Variants in PPP3CA observed in about 807,000 individuals in gnomAD.
PPP3CA encodes the protein protein phosphatase 3 catalytic subunit alpha.
Under a neutral mutation model 66.5 loss-of-function variants are expected in PPP3CA, and 14 were observed. The ratio of observed to expected loss-of-function variants is 0.21; its 90% CI spans 0.14 to 0.33. The LOEUF (loss-of-function observed/expected upper bound fraction) is 0.33. Ranked by LOEUF, PPP3CA falls within the 10% of genes least tolerant of loss-of-function variation. The pLI, the probability that PPP3CA is intolerant of heterozygous loss-of-function variation, is 1.00. For synonymous variants in PPP3CA, 232 were observed against 226.2 expected (o/e 1.03, Z -0.23); for missense variants, 317 against 639.5 (o/e 0.50, Z 5.44).
chr4:101,058,629 T>C (rs544686296), intron 10 of PPP3CA, among the ~76,000 whole-genome samples: 3 of 152,134 alleles, frequency 2.0e-5, no homozygotes, highest in African/African-American at 4.8e-5. Flanking sequence ...TAAAAAGCAA[T>C]TGGTGGTGAG....
At chr4:101,304,439 A>G (rs187203275) in intron 1 of PPP3CA, among the ~76,000 whole-genome samples, 2 of 152,232 alleles carry the variant, frequency 1.3e-5, no homozygotes, top group East Asian at 1.9e-4. Context: ...AGAGACCTAC[A>G]GTTGGTAGAT....
At chr4:101,321,260 A>G (rs571269972) in intron 1 of PPP3CA, among the ~76,000 whole-genome samples, 1 of 152,366 alleles carries the variant, frequency 6.6e-6, no homozygotes, top group African/African-American at 2.4e-5. Flanking sequence ...TATATTTTAT[A>G]TAAATTAACC....
intron 2 of PPP3CA, among the ~76,000 whole-genome samples, chr4:101,178,691 C>G (rs913790311): frequency 2.0e-5 from 3 of 152,078 alleles, no homozygotes; most frequent in Non-Finnish European, 4.4e-5. Flanking sequence ...AAGGCCATGT[C>G]TATTCCCATC....
At chr4:101,192,928 CA>C (rs1724655611) in intron 2 of PPP3CA, among the ~76,000 whole-genome samples, 1 of 152,182 alleles carries the variant, frequency 6.6e-6, no homozygotes, top group Non-Finnish European at 1.5e-5. Context: ...GGTAGGACCC[CA>C]GCTATTTAAT....
intron 2 of PPP3CA, among the ~76,000 whole-genome samples, chr4:101,124,797 A>G (rs200660742): frequency 1.5e-4 from 15 of 101,360 alleles, no homozygotes; most frequent in African/African-American, 6.6e-4. Flanking sequence ...GAAAGAAAGA[A>G]AGAGAAAACT....
chr4:101,049,441 C>A (rs893978458), intron 10 of PPP3CA, among the ~76,000 whole-genome samples: 38 of 151,952 alleles, frequency 2.5e-4, no homozygotes, highest in African/African-American at 8.7e-4. Context: ...GACAAAAACA[C>A]ATCAATTTTA....
chr4:101,162,407 G>C (rs1723545114), intron 2 of PPP3CA, among the ~76,000 whole-genome samples: 1 of 151,560 alleles, frequency 6.6e-6, no homozygotes, highest in Admixed American at 6.6e-5. Context: ...GGCGGGTGCT[G>C]GTAATCCCAG....
At chr4:101,323,461 G>A (rs1203267824) in intron 1 of PPP3CA, among the ~76,000 whole-genome samples, 1 of 152,122 alleles carries the variant, frequency 6.6e-6, no homozygotes. Context: ...AGTCAAGGAT[G>A]GACTGATTAA....
chr4:101,033,859 TA>T (rs1159340608), intron 11 of PPP3CA, among the ~76,000 whole-genome samples: 1 of 151,548 alleles, frequency 6.6e-6, no homozygotes, highest in East Asian at 1.9e-4. Flanking sequence ...TTCATATAAA[TA>T]AAATAATACA....
At chr4:101,224,198 C>A (rs1017838714) in intron 1 of PPP3CA, among the ~76,000 whole-genome samples, 2 of 151,728 alleles carry the variant, frequency 1.3e-5, no homozygotes, top group Non-Finnish European at 2.9e-5. Flanking sequence ...AGGCATAAAT[C>A]GTTACTGTCC....
chr4:101,256,589 A>C (rs1726850629), intron 1 of PPP3CA, among the ~76,000 whole-genome samples: 1 of 152,048 alleles, frequency 6.6e-6, no homozygotes, highest in Non-Finnish European at 1.5e-5. Context: ...CTACAATAGA[A>C]ATTTCCATTT....
intron 13 of PPP3CA, among the ~76,000 whole-genome samples, chr4:101,026,856 T>A (rs904191829): frequency 2.7e-4 from 41 of 152,218 alleles, no homozygotes; most frequent in South Asian, 4.1e-4. Flanking sequence ...ACTCAGTAGA[T>A]CAATGTAGAT....
intron 2 of PPP3CA, among the ~76,000 whole-genome samples, chr4:101,147,200 T>C (rs1216560313): frequency 6.6e-6 from 1 of 152,208 alleles, no homozygotes; most frequent in African/African-American, 2.4e-5. Context: ...TTGTCAAAAA[T>C]TGATAAAATG....
At chr4:101,188,345 G>A (rs979988649) in intron 2 of PPP3CA, among the ~76,000 whole-genome samples, 12 of 151,916 alleles carry the variant, frequency 7.9e-5, no homozygotes, top group Admixed American at 7.9e-4. Context: ...ATCATTTGAG[G>A]CTTCCCTTAT....
intron 1 of PPP3CA, among the ~76,000 whole-genome samples, chr4:101,337,330 T>A (rs1729663349): frequency 6.6e-6 from 1 of 152,238 alleles, no homozygotes; most frequent in Non-Finnish European, 1.5e-5. Context: ...TCTAGTTAAA[T>A]CACCACTCAC....
At chr4:101,119,496 T>C (rs563594766) in intron 2 of PPP3CA, among the ~76,000 whole-genome samples, 1 of 152,100 alleles carries the variant, frequency 6.6e-6, no homozygotes, top group African/African-American at 2.4e-5. Flanking sequence ...CCAAATGGAT[T>C]TTTTGAAAAA....
chr4:101,286,039 G>C (rs554730516), intron 1 of PPP3CA, among the ~76,000 whole-genome samples: 7 of 152,168 alleles, frequency 4.6e-5, no homozygotes, highest in Non-Finnish European at 8.8e-5. Context: ...GGGGTGGATG[G>C]ATGGTTTCAG....
chr4:101,341,923 C>A lies in PPP3CA; in HGVS notation c.58+4816G>T, dbSNP rs1015070329. Among the ~76,000 whole-genome samples, 3 of 152,106 alleles carry A rather than the reference C, an allele frequency of 2.0e-5. No individual in the cohort carries two copies. In the South Asian group the frequency reaches 6.2e-4, roughly 32 times the overall value. On this transcript the variant is annotated intron_variant, in intron 1 of 13. Coordinates refer to ENST00000394854, the MANE Select transcript of PPP3CA (RefSeq NM_000944.5). ...TATTTGCTAAAAGGAGAGTGAGTAT[C>A]TGCAAAAATGCTGTTTTCCAATGAG...
At chr4:101,289,868 G>GTA (rs1337456265) in intron 1 of PPP3CA, among the ~76,000 whole-genome samples, 3 of 120,854 alleles carry the variant, frequency 2.5e-5, no homozygotes, top group Admixed American at 1.9e-4. Context: ...AAATGTCCGT[G>GTA]TATGTGTGTG....
Sources: allele counts gnomAD v4.1 joint callset (sites outside exome capture counted in the v4.1 genomes callset), GRCh38; gene constraint gnomAD v4.1.1; transcripts MANE v1.5; gene names NCBI Gene and HGNC (gene_info 2026-07-23, HGNC 2026-07-21).